Variants in TLN2 observed in about 807,000 individuals in gnomAD.
TLN2 encodes the protein talin 2.
A neutral mutation model predicts 294.7 loss-of-function variants in TLN2; 118 were observed. The observed-to-expected ratio is 0.40, with a 90% CI of 0.34 to 0.47. The LOEUF (loss-of-function observed/expected upper bound fraction) is 0.47. Ranked by LOEUF, TLN2 falls within the 20% of genes least tolerant of loss-of-function variation. The pLI is 0.84. For missense variants in TLN2, 3,083 were observed against 3,282.2 expected, an observed-to-expected ratio of 0.94 and a Z score of 1.48; for synonymous variants, 1,431 against 1,304.5, an observed-to-expected ratio of 1.10 and a Z score of -2.09.
intron 23 of TLN2, 100 bp from the exon 24 acceptor site, chr15:62,717,476 A>T: frequency 2.8e-6 from 2 of 717,890 alleles, no homozygotes; most frequent in Non-Finnish European, 4.1e-6. Context: ...GAGTTCTTTT[A>T]GAGCCACAAA....
At chr15:62,608,106 C>T (rs1236859608) in intron 2 of TLN2, among the ~76,000 whole-genome samples, 1 of 152,212 alleles carries the variant, frequency 6.6e-6, no homozygotes, top group East Asian at 1.9e-4. Flanking sequence ...CCCCCCACCC[C>T]ACCCCTGCAT....
chr15:62,464,002 T>C (rs919199526), intron 1 of TLN2, among the ~76,000 whole-genome samples: 1 of 152,242 alleles, frequency 6.6e-6, no homozygotes, highest in South Asian at 2.1e-4. Context: ...TCAACCATTG[T>C]GGAAGACAGT....
intron 17 of TLN2, among the ~76,000 whole-genome samples, chr15:62,701,784 A>G (rs946364189): frequency 3.3e-5 from 5 of 152,182 alleles, no homozygotes; most frequent in Admixed American, 6.5e-5. Context: ...TGTACTCAGT[A>G]TTTCAGTGCA....
intron 21 of TLN2, among the ~76,000 whole-genome samples, chr15:62,711,630 C>A (rs766145702): frequency 2.0e-5 from 3 of 152,180 alleles, no homozygotes; most frequent in Non-Finnish European, 4.4e-5. Flanking sequence ...GTTCCCTGCC[C>A]TCTCTTTATA....
chr15:62,544,729 T>TC (rs940185993), intron 1 of TLN2, among the ~76,000 whole-genome samples: 1 of 151,466 alleles, frequency 6.6e-6, no homozygotes, highest in East Asian at 1.9e-4. Flanking sequence ...AGAAAAGCTT[T>TC]TTTTTTTTTT....
chr15:62,694,417 G>C, intron 14 of TLN2, 25 bp downstream of exon 14: 2 of 1,602,260 alleles, frequency 1.2e-6, no homozygotes, highest in Non-Finnish European at 1.7e-6. Flanking sequence ...GAGTACTAGA[G>C]GACCACCTTC....
In TLN2 at chr15:62,838,989, A is replaced by G. The variant is rs753782938; in HGVS notation, c.7500+8A>G. The stretch of plus-strand genomic sequence containing the variant: ...GTGGGGGGCATTGCTCAGGTTTGTA[A>G]TTAAATCAAGAATAGTATTTACTTC... On this transcript the variant is annotated splice_region_variant and intron_variant, in intron 58 of 58. Transcript: ENST00000636159. 1 of 1,613,902 alleles carries G rather than the reference A, an allele frequency of 6.2e-7. No individual in the cohort carries two copies. The highest frequency in any genetic ancestry group is 1.7e-5 in the Admixed American group (1 of 59,986).
At position 62,414,191 on chromosome 15, in the gene TLN2, T is replaced by TAA. The variant is rs1555404144; in HGVS notation, c.-238+23507_-238+23508dup. Among the ~76,000 whole-genome samples, 26 of 122,926 alleles carry TAA rather than the reference T, an allele frequency of 2.1e-4. 3 individuals carry two copies. Among genetic ancestry groups the TAA allele is most frequent in the Non-Finnish European group, 1.5e-4 (9 of 59,700 alleles). The allele number at this position is 122,926 out of a possible 152,430, so 80.6% of individuals were successfully genotyped here. A position where few individuals can be genotyped will look rare whatever the true frequency, so the allele number is the denominator to read the frequency against. Reference sequence around the variant, plus strand: ...ATATATATATATATATATATATATATAATTTGAGAAATTAAATCCTTTTAG... The same window carrying TAA: ...ATATATATATATATATATATATATATAAAATTTGAGAAATTAAATCCTTTTAG... On this transcript the variant is annotated intron_variant, in intron 1 of 58. Coordinates refer to ENST00000636159, the MANE Select transcript of TLN2 (RefSeq NM_015059.3).
intron 37 of TLN2, among the ~76,000 whole-genome samples, chr15:62,757,837 G>A (rs542384001): frequency 1.3e-5 from 2 of 152,250 alleles, no homozygotes; most frequent in South Asian, 2.1e-4. Flanking sequence ...AAATGGGCCT[G>A]GTTTTTCAAT....
Position 62,740,733 on chromosome 15 carries a change from C to G in TLN2, c.3989C>G (p.Ala1330Gly), listed in dbSNP as rs1259685073. The change falls in exon 32 of 59, where the codon GCT becomes GGT. Residue 1330 changes from alanine to glycine, a missense_variant. Transcript: ENST00000636159. ...AAGTCTCTCTCTGTAGATCCAGGAG[C>G]TCCCAATGCGAAAAATCTCCTGGCT... Reference protein sequence around the residue: ...AAKSLSVDPGAPNAKNLLAAA... With the variant: ...AAKSLSVDPGGPNAKNLLAAA... The G allele has an allele frequency of 2.3e-5, 37 of 1,614,082 alleles. No individual in the cohort carries two copies. Among genetic ancestry groups the G allele is most frequent in the Non-Finnish European group, 3.1e-5 (37 of 1,180,046 alleles).
intron 1 of TLN2, among the ~76,000 whole-genome samples, chr15:62,573,452 G>A (rs2044096785): frequency 1.3e-5 from 2 of 152,044 alleles, no homozygotes; most frequent in African/African-American, 4.8e-5. Flanking sequence ...ATCCTTCTAG[G>A]GGCCCCAGTG....
rs778122084 is a variant in TLN2, at chr15:62,805,617, C to T, written c.6495C>T (p.Asp2165=). Residue 2165 remains aspartate (D), a synonymous_variant, in exon 51 of 59, where the codon GAC becomes GAT. Transcript: ENST00000636159. ...ACTTCCAGGTGTTCCAGTCAAAAGACGTACCTGAAAAGACATCATCACCTG... is the reference window on the plus strand; with the variant it reads ...ACTTCCAGGTGTTCCAGTCAAAAGATGTACCTGAAAAGACATCATCACCTG... ...KQELTVFQSK[D]VPEKTSSPEE... The T allele has an allele frequency of 3.1e-6, 5 of 1,606,286 alleles. No homozygotes were observed. The highest frequency in any genetic ancestry group is 3.4e-6 in the Non-Finnish European group (4 of 1,174,768).
chr15:62,540,697 C>T (rs1009002764), intron 1 of TLN2, among the ~76,000 whole-genome samples: 1 of 151,950 alleles, frequency 6.6e-6, no homozygotes, highest in Non-Finnish European at 1.5e-5. Context: ...TAAGCATGTG[C>T]CAGAATGCAA....
intron 33 of TLN2, among the ~76,000 whole-genome samples, chr15:62,749,898 C>A (rs1467083911): frequency 6.6e-6 from 1 of 152,172 alleles, no homozygotes; most frequent in Non-Finnish European, 1.5e-5. Flanking sequence ...AAATTAAAAA[C>A]AAATGAACCA....
intron 1 of TLN2, among the ~76,000 whole-genome samples, chr15:62,540,803 C>T (rs2041638481): frequency 6.6e-6 from 1 of 152,096 alleles, no homozygotes; most frequent in Admixed American, 6.6e-5. Context: ...GGTGGAAAGG[C>T]AGAATTAATA....
chr15:62,438,471 A>G lies in TLN2; in HGVS notation c.-238+47786A>G, dbSNP rs1428622297. ...TATCTGCTGAGATTTTATTCTAAACATGTCAACCTTTAAACATTAAGGAGT... is the reference window on the plus strand; with the variant it reads ...TATCTGCTGAGATTTTATTCTAAACGTGTCAACCTTTAAACATTAAGGAGT... On this transcript the variant is annotated intron_variant, in intron 1 of 58. Transcript: ENST00000636159. 2.6e-5 allele frequency among the ~76,000 whole-genome samples: 4 copies of G among 152,286 alleles called. No homozygotes were observed. The South Asian group carries it at 8.3e-4, about 32-fold the overall frequency.
At chr15:62,538,538 T>C (rs545156549) in intron 1 of TLN2, among the ~76,000 whole-genome samples, 1 of 152,342 alleles carries the variant, frequency 6.6e-6, no homozygotes, top group Non-Finnish European at 1.5e-5. Flanking sequence ...CATAGGTACA[T>C]ATAGCAACAA....
In TLN2 at chr15:62,423,585, AT is replaced by A. The variant is rs879392912; in HGVS notation, c.-238+32913del. Among the ~76,000 whole-genome samples the A allele has an allele frequency of 3.2e-3, 464 of 145,598 alleles. 4 individuals carry two copies. Among genetic ancestry groups the A allele is most frequent in the East Asian group, 0.019 (95 of 4,982 alleles). On this transcript the variant is annotated intron_variant, in intron 1 of 58. Coordinates refer to ENST00000636159, the MANE Select transcript of TLN2 (RefSeq NM_015059.3). Reference sequence around the variant, plus strand: ...TTCCCCACCTATACTGATGAAATTGATTTTTTTTTTTTTGAGACGGAGTCTT... The same window carrying A: ...TTCCCCACCTATACTGATGAAATTGATTTTTTTTTTTTGAGACGGAGTCTT...
At chr15:62,581,948 G>A (rs1039551757) in intron 1 of TLN2, among the ~76,000 whole-genome samples, 3 of 151,924 alleles carry the variant, frequency 2.0e-5, no homozygotes, top group Admixed American at 1.3e-4. Context: ...GGAGGCTGAG[G>A]CAGGAGAATC....
Sources: allele counts gnomAD v4.1 joint callset (sites outside exome capture counted in the v4.1 genomes callset), GRCh38; gene constraint gnomAD v4.1.1; transcripts MANE v1.5; gene names NCBI Gene and HGNC (gene_info 2026-07-23, HGNC 2026-07-21).